The following CRPPA variants were observed in gnomAD, a reference collection of about 807,000 sequenced individuals.
The protein encoded by CRPPA is CDP-L-ribitol pyrophosphorylase A.
Under a neutral mutation model 52.0 loss-of-function variants are expected in CRPPA, and 43 were observed. That is an observed-to-expected ratio of 0.83 (90% CI 0.65 to 1.07). The LOEUF (loss-of-function observed/expected upper bound fraction) is 1.07, where lower values mean the gene tolerates loss of function less well. Among genes scored for constraint, CRPPA ranks in the 50% least tolerant of loss-of-function variants. The pLI, the probability that CRPPA is intolerant of heterozygous loss-of-function variation, is 0.00. For synonymous variants in CRPPA, 250 were observed against 203.5 expected (o/e 1.23, Z -1.94); for missense variants, 629 against 551.7 (o/e 1.14, Z -1.40).
intron 8 of CRPPA, among the ~76,000 whole-genome samples, chr7:16,254,843 AAG>A (rs1229873916): frequency 4.8e-5 from 7 of 145,748 alleles, no homozygotes; most frequent in African/African-American, 7.5e-5. Context: ...GAAAGAAAGA[AAG>A]AGAAAGAAGA....
chr7:16,181,304 T>C (rs1781408165), intron 9 of CRPPA, among the ~76,000 whole-genome samples: 1 of 151,974 alleles, frequency 6.6e-6, no homozygotes, highest in Admixed American at 6.6e-5. Context: ...AACTACTTCC[T>C]TTCCAAATGA....
At chr7:16,208,937 C>A in intron 9 of CRPPA, 1 of 360,484 alleles carries the variant, frequency 2.8e-6, no homozygotes, top group South Asian at 2.5e-5. Flanking sequence ...AATAGCATTC[C>A]CACAAACGTG....
At chr7:16,096,451 T>C (rs184569215) in intron 9 of CRPPA, among the ~76,000 whole-genome samples, 84 of 152,190 alleles carry the variant, frequency 5.5e-4, no homozygotes, top group Admixed American at 4.8e-3. Flanking sequence ...ATAGAATCTA[T>C]AATAAAGAGA....
intron 9 of CRPPA, among the ~76,000 whole-genome samples, chr7:16,145,468 A>G (rs1233703541): frequency 6.6e-6 from 1 of 152,210 alleles, no homozygotes; most frequent in African/African-American, 2.4e-5. Flanking sequence ...GAAATTAATA[A>G]ACCCTCAGTA....
intron 3 of CRPPA, among the ~76,000 whole-genome samples, chr7:16,371,671 A>G (rs1786752364): frequency 6.6e-6 from 1 of 152,046 alleles, no homozygotes. Flanking sequence ...AACCTATAAA[A>G]GAACACACTA....
intron 9 of CRPPA, among the ~76,000 whole-genome samples, chr7:16,116,691 G>GGGAAGGGAAA (rs1305447321): frequency 8.7e-5 from 13 of 149,214 alleles, no homozygotes; most frequent in African/African-American, 1.5e-4. Context: ...GGAAAGGGAA[G>GGGAAGGGAAA]GGAAAGGGAA....
chr7:16,390,815 G>T (rs1475497183), intron 2 of CRPPA, among the ~76,000 whole-genome samples: 1 of 152,110 alleles, frequency 6.6e-6, no homozygotes. Context: ...GTGTAGAGAT[G>T]ACTTAATAAG....
chr7:16,418,045 T>C (rs1788237459), intron 1 of CRPPA, among the ~76,000 whole-genome samples: 1 of 152,244 alleles, frequency 6.6e-6, no homozygotes, highest in Non-Finnish European at 1.5e-5. Flanking sequence ...GTATAAATTA[T>C]CTTTTTTAAT....
intron 3 of CRPPA, among the ~76,000 whole-genome samples, chr7:16,369,340 A>G (rs1455491899): frequency 6.6e-6 from 1 of 152,208 alleles, no homozygotes; most frequent in Non-Finnish European, 1.5e-5. Context: ...GGAGTTTCAC[A>G]ATGTTCTTCT....
Position 16,170,145 on chromosome 7 carries a change from T to A in CRPPA, c.1251+45921A>T, listed in dbSNP as rs543977104. On this transcript the variant is annotated intron_variant, in intron 9 of 9. Transcript: ENST00000407010. ...TCCAAAAGTAGGATGTGATTTTTTT[T>A]AATTTATAGAATTGACTGTCATAGC... Among the ~76,000 whole-genome samples, 5 of 152,344 alleles carry A rather than the reference T, an allele frequency of 3.3e-5. No homozygotes were observed. In the East Asian group the frequency reaches 9.7e-4, roughly 29 times the overall value.
intron 2 of CRPPA, among the ~76,000 whole-genome samples, chr7:16,378,051 G>A (rs370546323): frequency 2.3e-4 from 35 of 152,052 alleles, no homozygotes; most frequent in African/African-American, 6.5e-4. Context: ...AGTGCACTGT[G>A]CCCACCCACA....
intron 9 of CRPPA, among the ~76,000 whole-genome samples, chr7:16,172,555 G>A (rs1456675102): frequency 6.6e-6 from 1 of 152,188 alleles, no homozygotes; most frequent in Non-Finnish European, 1.5e-5. Flanking sequence ...CAGTATTGGA[G>A]TACTGAATAA....
intron 9 of CRPPA, among the ~76,000 whole-genome samples, chr7:16,110,139 C>T (rs1782231296): frequency 6.6e-6 from 1 of 151,802 alleles, no homozygotes; most frequent in Non-Finnish European, 1.5e-5. Flanking sequence ...TATATACTAG[C>T]AACAAACCTG....
intron 3 of CRPPA, among the ~76,000 whole-genome samples, chr7:16,322,575 A>C (rs1785285903): frequency 6.6e-6 from 1 of 152,196 alleles, no homozygotes; most frequent in Non-Finnish European, 1.5e-5. Context: ...AATTCCAGGA[A>C]GCAGAGAACT....
intron 9 of CRPPA, among the ~76,000 whole-genome samples, chr7:16,150,884 C>G (rs984924457): frequency 2.0e-5 from 3 of 152,076 alleles, no homozygotes; most frequent in Non-Finnish European, 4.4e-5. Flanking sequence ...TATAAGAAAC[C>G]CACTCCCATG....
chr7:16,233,232 G>C (rs989855035), intron 8 of CRPPA, among the ~76,000 whole-genome samples: 2 of 152,088 alleles, frequency 1.3e-5, no homozygotes, highest in African/African-American at 4.8e-5. Context: ...CAGGTAATAA[G>C]AGTTGCCAGT....
At position 16,216,081 on chromosome 7, in the gene CRPPA, G is replaced by C; in HGVS notation, c.1236C>G (p.Leu412=). 1 of 1,594,900 alleles carries C rather than the reference G, an allele frequency of 6.3e-7. No homozygotes were observed. Among genetic ancestry groups the C allele is most frequent in the Non-Finnish European group, 8.5e-7 (1 of 1,170,520 alleles). Reference sequence around the variant, plus strand: ...TTTTACCTACCTGTGGGTAAGATATGAGAAGCCCATATAACAAAATATTTC... The same window carrying C: ...TTTTACCTACCTGTGGGTAAGATATCAGAAGCCCATATAACAAAATATTTC... The part of the protein sequence containing the change: ...KERNILLYGL[L]ISYPQDDQKL... Residue 412 remains leucine, a synonymous_variant, in exon 9 of 10, where the codon CTC becomes CTG. Coordinates refer to ENST00000407010, the MANE Select transcript of CRPPA (RefSeq NM_001101426.4).
chr7:16,192,687 G>T (rs893359562), intron 9 of CRPPA, among the ~76,000 whole-genome samples: 2 of 152,122 alleles, frequency 1.3e-5, no homozygotes, highest in Non-Finnish European at 2.9e-5. Context: ...TCGTATGTCT[G>T]TAGATTTGTT....
chr7:16,392,467 C>A (rs567806641), intron 2 of CRPPA, among the ~76,000 whole-genome samples: 2 of 152,218 alleles, frequency 1.3e-5, no homozygotes, highest in African/African-American at 4.8e-5. Context: ...TCTGAAAGAC[C>A]TAGACAACCA....
Sources: gnomAD v4.1 joint callset for allele counts (sites outside exome capture counted in the v4.1 genomes callset) on GRCh38, gnomAD v4.1.1 for gene constraint, MANE v1.5 for transcripts, NCBI Gene and HGNC (gene_info 2026-07-23, HGNC 2026-07-21) for gene names.